RPE: variants seen among roughly 807,000 people sequenced by gnomAD.
The protein encoded by RPE is ribulose-5-phosphate-3-epimerase.
A neutral mutation model predicts 24.6 loss-of-function variants in RPE; 16 were observed. The observed-to-expected ratio is 0.65, with a 90% CI of 0.44 to 0.99. RPE has a LOEUF of 0.99. Ranked by LOEUF, RPE falls within the 50% of genes least tolerant of loss-of-function variation. The pLI, the probability that RPE is intolerant of heterozygous loss-of-function variation, is 0.00. For missense variants in RPE, 240 were observed against 294.5 expected, an observed-to-expected ratio of 0.81 and a Z score of 1.35; for synonymous variants, 93 against 98.4, an observed-to-expected ratio of 0.94 and a Z score of 0.33.
Position 210,017,469 on chromosome 2 carries a change from C to T in RPE, c.478-4C>T. The T allele has an allele frequency of 8.8e-7, 1 of 1,141,754 alleles. No individual in the cohort carries two copies. The highest frequency in any genetic ancestry group is 1.8e-5 in the African/African-American group (1 of 54,414). The allele number at this position is 1,141,754 out of a possible 1,614,324, so 70.7% of individuals were successfully genotyped here. ...GTTACTTATTTCCTCATGTATATAT[C>T]TAGGTTCACTGGTTGAGGACCCAGT... On this transcript the variant is annotated splice_polypyrimidine_tract_variant and splice_region_variant and intron_variant, in intron 4 of 5. Transcript: ENST00000359429.
chr2:210,006,405 T>G (rs2093631537), intron 1 of RPE, among the ~76,000 whole-genome samples: 1 of 151,310 alleles, frequency 6.6e-6, no homozygotes, highest in Non-Finnish European at 1.5e-5. Flanking sequence ...AGCCTTTGGG[T>G]TTTTTTTTGA....
At chr2:210,009,815 A>C in intron 2 of RPE, 79 bp downstream of exon 2, 1 of 1,580,822 alleles carries the variant, frequency 6.3e-7, no homozygotes, top group Non-Finnish European at 8.7e-7. Context: ...TTAACTTCCA[A>C]GTTCATCTGG....
chr2:210,007,272 GAGACCTTAA>G (rs1335433988), intron 1 of RPE, among the ~76,000 whole-genome samples: 1 of 152,168 alleles, frequency 6.6e-6, no homozygotes, highest in Non-Finnish European at 1.5e-5. Flanking sequence ...ATCTAACTGT[GAGACCTTAA>G]ACATAGTTTG....
At chr2:210,017,414 C>A in intron 4 of RPE, 59 bp from the exon 5 acceptor site, 7 of 974,588 alleles carry the variant, frequency 7.2e-6, no homozygotes, top group Admixed American at 2.4e-5. Flanking sequence ...GTCCCCCACC[C>A]CCACCCCCAC....
intron 5 of RPE, 136 bp downstream of exon 5, chr2:210,017,695 T>G: frequency 2.7e-6 from 2 of 749,744 alleles, no homozygotes; most frequent in Non-Finnish European, 2.2e-6. Context: ...TTTGTTCACA[T>G]GTACAACTAG....
At chr2:210,014,628 T>TAAAA (rs879272204) in intron 2 of RPE, among the ~76,000 whole-genome samples, 1 of 142,948 alleles carries the variant, frequency 7.0e-6, no homozygotes, top group Non-Finnish European at 1.5e-5. Context: ...TCATCTCTAT[T>TAAAA]AAAAAAAAAA....
chr2:210,019,047 G>A (rs370205743), intron 5 of RPE, among the ~76,000 whole-genome samples: 3 of 152,142 alleles, frequency 2.0e-5, no homozygotes, highest in East Asian at 3.9e-4. Context: ...GAAGATCAGA[G>A]TTAAATTTGG....
Position 210,022,226 on chromosome 2 carries a change from G to A in RPE, c.*2435G>A, listed in dbSNP as rs2093870269. The A allele has an allele frequency of 1.3e-5, 2 of 152,046 alleles. No homozygotes were observed. The highest frequency in any genetic ancestry group is 1.3e-4 in the Admixed American group (2 of 15,252). 9.4% of individuals were successfully genotyped at this position (152,046 alleles called of 1,614,324 possible). On this transcript the variant is annotated 3_prime_UTR_variant, in exon 6 of 6. Transcript: ENST00000359429. ...CCTGTGTTTAGTCCCAAAGATAGCA[G>A]TGATTTTGAATAAAGGAGTTTTGTG...
chr2:210,011,784 G>A (rs1310043658), intron 2 of RPE, among the ~76,000 whole-genome samples: 2 of 149,892 alleles, frequency 1.3e-5, no homozygotes, highest in Admixed American at 1.3e-4. Flanking sequence ...CAATCCTCCC[G>A]CCACAGCTAT....
chr2:210,006,343 C>G (rs150449882), intron 1 of RPE, among the ~76,000 whole-genome samples: 13 of 152,304 alleles, frequency 8.5e-5, no homozygotes, highest in African/African-American at 3.1e-4. Context: ...AAATTTGGGA[C>G]ACCCTGACTT....
intron 4 of RPE, 40 bp from the exon 5 acceptor site, chr2:210,017,433 C>A: frequency 1.4e-5 from 15 of 1,060,834 alleles, no homozygotes; most frequent in Non-Finnish European, 1.8e-5. Context: ...ACCAACATAC[C>A]CACTTTAGGA....
At chr2:210,015,858 T>C (rs934759960) in intron 2 of RPE, 115 bp from the exon 3 acceptor site, 2 of 980,544 alleles carry the variant, frequency 2.0e-6, no homozygotes, top group Non-Finnish European at 3.0e-6. Flanking sequence ...AATAATGATT[T>C]GTGTGATGGC....
intron 1 of RPE, among the ~76,000 whole-genome samples, chr2:210,007,361 T>C (rs1024766252): frequency 4.6e-5 from 7 of 152,228 alleles, no homozygotes; most frequent in African/African-American, 1.4e-4. Context: ...CTTGTCATTC[T>C]TAGTGTTCCT....
intron 2 of RPE, among the ~76,000 whole-genome samples, chr2:210,014,213 C>T (rs943798615): frequency 3.0e-4 from 45 of 151,974 alleles, no homozygotes; most frequent in Non-Finnish European, 1.3e-4. Flanking sequence ...CTCAGCCTCT[C>T]GAGTAGCTGG....
intron 1 of RPE, among the ~76,000 whole-genome samples, chr2:210,003,125 C>T (rs2093584841): frequency 6.6e-6 from 1 of 152,158 alleles, no homozygotes. Flanking sequence ...CATGACTTGC[C>T]CAAGCTCATA....
chr2:210,015,083 A>T (rs2093752304), intron 2 of RPE, among the ~76,000 whole-genome samples: 1 of 152,172 alleles, frequency 6.6e-6, no homozygotes, highest in South Asian at 2.1e-4. Flanking sequence ...TTGTTCTTGC[A>T]GTCTTGCCTC....
chr2:210,005,870 A>G (rs1488299762), intron 1 of RPE, among the ~76,000 whole-genome samples: 1 of 152,212 alleles, frequency 6.6e-6, no homozygotes, highest in East Asian at 1.9e-4. Context: ...TACCTTTTAT[A>G]GCAACTCTAA....
chr2:210,009,633 G>A, intron 1 of RPE, 24 bp from the exon 2 acceptor site: 1 of 1,613,940 alleles, frequency 6.2e-7, no homozygotes, highest in South Asian at 1.1e-5. Context: ...AACATTTTCA[G>A]AGTAGATTTT....
Position 210,015,180 on chromosome 2 carries a change from G to A in RPE, c.203-793G>A, listed in dbSNP as rs2125080520. Among the ~76,000 whole-genome samples, 3 of 152,180 alleles carry A rather than the reference G, an allele frequency of 2.0e-5. No homozygotes were observed. In the South Asian group the frequency reaches 6.2e-4, roughly 32 times the overall value. On this transcript the variant is annotated intron_variant, in intron 2 of 5. Transcript: ENST00000359429. ...TTTTCCTCTCATCTATCTATCCATG[G>A]AGGATCCTCTTATCCTCCACATCTC...
Sources: gnomAD v4.1 joint callset for allele counts (sites outside exome capture counted in the v4.1 genomes callset) on GRCh38, gnomAD v4.1.1 for gene constraint, MANE v1.5 for transcripts, NCBI Gene and HGNC (gene_info 2026-07-23, HGNC 2026-07-21) for gene names.